The following ARFRP1 variants were observed in gnomAD, a reference collection of about 807,000 sequenced individuals.
ARFRP1 encodes the protein ADP-ribosylation factor-related protein 1.
Under a neutral mutation model 30.3 loss-of-function variants are expected in ARFRP1, and 19 were observed. The observed-to-expected ratio is 0.63, with a 90% confidence interval of 0.44 to 0.92. The LOEUF (loss-of-function observed/expected upper bound fraction) is 0.92. Ranked by LOEUF, ARFRP1 falls within the 40% of genes least tolerant of loss-of-function variation. ARFRP1 has a pLI of 0.00. For synonymous variants in ARFRP1, 133 were observed against 114.2 expected (o/e 1.16, Z -1.05); for missense variants, 245 against 267.5 (o/e 0.92, Z 0.59).
chr20:63,700,868 C>T (rs1601235998), intron 6 of ARFRP1, 166 bp from the exon 7 acceptor site: 4 of 934,408 alleles, frequency 4.3e-6, no homozygotes, highest in East Asian at 2.7e-5. Flanking sequence ...GGACCCTGTG[C>T]TCAGCCCGAG....
At position 63,700,136 on chromosome 20, in the gene ARFRP1, G is replaced by T; in HGVS notation, c.*307C>A. 1 of 415,222 alleles carries T rather than the reference G, an allele frequency of 2.4e-6. No homozygotes were observed. The highest frequency in any genetic ancestry group is 4.5e-6 in the Non-Finnish European group (1 of 219,844). The allele number at this position is 415,222 out of a possible 1,614,324, so 25.7% of individuals were successfully genotyped here. On this transcript the variant is annotated 3_prime_UTR_variant, in exon 8 of 8. Coordinates refer to ENST00000622789, the MANE Select transcript of ARFRP1 (RefSeq NM_001267547.3). ...AGCCCAAGCCAGCCTGAGCACTGGA[G>T]CCCCAATTCCCAACCAGGTCTCCCT...
intron 5 of ARFRP1, 98 bp from the exon 6 acceptor site, chr20:63,701,998 G>GCCCCACCCCCCCCCCCCCC: frequency 1.7e-6 from 1 of 583,916 alleles, no homozygotes; most frequent in Non-Finnish European, 2.6e-6. Context: ...CACTCCCTCT[G>GCCCCACCCCCCCCCCCCCC]CCCCCCCCCC....
chr20:63,706,214 C>A (rs149843399), intron 4 of ARFRP1, 143 bp downstream of exon 4: 265 of 779,146 alleles, frequency 3.4e-4, no homozygotes, highest in Non-Finnish European at 4.9e-4. Flanking sequence ...GGGAGCCACT[C>A]GGGAACCTGG....
rs2091099091 is a variant in ARFRP1 at position 63,699,721 on chromosome 20, CTG to C, written c.*720_*721del. 1 of 153,088 alleles carries C rather than the reference CTG, an allele frequency of 6.5e-6. No homozygotes were observed. The highest frequency in any genetic ancestry group is 1.5e-5 in the Non-Finnish European group (1 of 68,736). 9.5% of individuals were successfully genotyped at this position (153,088 alleles called of 1,614,324 possible). On this transcript the variant is annotated 3_prime_UTR_variant, in exon 8 of 8. Transcript: ENST00000622789. ...GTTCTCTCCTGGCTGGGGGAGGGCT[CTG>C]GACCCCCACAAACACTCCCCAACTT... is the stretch of plus-strand genomic sequence containing the variant.
At chr20:63,705,967 T>TC (rs1458158945) in intron 4 of ARFRP1, 16 of 340,180 alleles carry the variant, frequency 4.7e-5, no homozygotes, top group African/African-American at 1.5e-4. Context: ...TGAACCCAGA[T>TC]CCCCCCCGGC....
intron 5 of ARFRP1, 90 bp downstream of exon 5, chr20:63,702,046 C>T: frequency 1.6e-6 from 2 of 1,220,748 alleles, no homozygotes; most frequent in Non-Finnish European, 2.3e-6. Flanking sequence ...TCTGACCAGA[C>T]ACTGAGCCTG....
At chr20:63,700,738 G>C in intron 6 of ARFRP1, 36 bp from the exon 7 acceptor site, 1 of 1,600,272 alleles carries the variant, frequency 6.2e-7, no homozygotes, top group Non-Finnish European at 8.5e-7. Flanking sequence ...CAGCCCCCAC[G>C]TCTGGCCCTG....
In ARFRP1 at chr20:63,705,595, A is replaced by G. The variant is rs778023154; in HGVS notation, c.264+762T>C. 5.8e-6 allele frequency: 3 copies of G among 518,090 alleles called. No homozygotes were observed. The East Asian group carries it at 1.7e-4, about 29-fold the overall frequency. 32.1% of individuals were successfully genotyped at this position (518,090 alleles called of 1,614,324 possible). A position where few individuals can be genotyped will look rare whatever the true frequency, so the allele number is the denominator to read the frequency against. On this transcript the variant is annotated intron_variant, in intron 4 of 7. Coordinates refer to ENST00000622789, the MANE Select transcript of ARFRP1 (RefSeq NM_001267547.3). ...TGAGACCCTGAGGAGTCTTCTGGTG[A>G]TCATGGAAGAACAAATGTTAAGCTA...
In ARFRP1 at chr20:63,700,269, G is replaced by A. The variant is rs754119314; in HGVS notation, c.*174C>T. On this transcript the variant is annotated 3_prime_UTR_variant, in exon 8 of 8. Coordinates refer to ENST00000622789, the MANE Select transcript of ARFRP1 (RefSeq NM_001267547.3). ...TGCCAGACTCCCCTCCAAAGCCTCC[G>A]GATGCCTACGCTTTTCCAGACATAG... 2.2e-5 allele frequency: 22 copies of A among 991,236 alleles called. No homozygotes were observed. The highest frequency in any genetic ancestry group is 4.9e-5 in the South Asian group (3 of 61,678). 61.4% of individuals were successfully genotyped at this position (991,236 alleles called of 1,614,324 possible).
chr20:63,701,196 T>C (rs771608488), intron 6 of ARFRP1: 2 of 526,206 alleles, frequency 3.8e-6, no homozygotes, highest in South Asian at 1.4e-5. Flanking sequence ...GTACCAGATG[T>C]CCCTCTTGTC....
intron 4 of ARFRP1, chr20:63,706,084 T>G: frequency 1.4e-5 from 6 of 417,266 alleles, no homozygotes; most frequent in Non-Finnish European, 1.8e-5. Flanking sequence ...CGCCTTGGCA[T>G]TTAGTGATTC....
At chr20:63,705,001 C>G (rs1255970805) in intron 4 of ARFRP1, 1 of 152,772 alleles carries the variant, frequency 6.5e-6, no homozygotes, top group Non-Finnish European at 1.5e-5. Flanking sequence ...CTGCCTGAGT[C>G]GACCTCTCCT....
chr20:63,707,226 A>C, intron 1 of ARFRP1, 129 bp from the exon 2 acceptor site: 3 of 723,134 alleles, frequency 4.1e-6, no homozygotes, highest in South Asian at 1.8e-5. Context: ...GCCATTCCCG[A>C]CTCCTCGTCC....
intron 6 of ARFRP1, chr20:63,701,290 G>A (rs769530389): frequency 3.9e-6 from 2 of 514,484 alleles, no homozygotes; most frequent in Non-Finnish European, 7.9e-6. Context: ...AGATTCACCT[G>A]GCCCTCTGGA....
At chr20:63,700,570 C>A in intron 7 of ARFRP1, 32 bp downstream of exon 7, 1 of 1,610,446 alleles carries the variant, frequency 6.2e-7, no homozygotes, top group Non-Finnish European at 8.5e-7. Context: ...GTCTCGGTCC[C>A]CAAAGCCCCC....
rs368456471 is a variant in ARFRP1, at chr20:63,706,687, T to C, written c.145A>G (p.Ser49Gly). ...TRFNKNYKGM[S>G]LSKITTTVGL... Reference sequence around the variant, plus strand: ...ACGGTGGTGGTGATTTTGGATAGACTCATCCCCTTGTAGTTCTTGTTAAAT... The same window carrying C: ...ACGGTGGTGGTGATTTTGGATAGACCCATCCCCTTGTAGTTCTTGTTAAAT... Residue 49 changes from serine (S) to glycine (G), a missense_variant, in exon 3 of 8, where the codon AGT (serine) becomes GGT (glycine). Transcript: ENST00000622789. 1.9e-6 allele frequency: 3 copies of C among 1,613,908 alleles called. No individual in the cohort carries two copies. Among genetic ancestry groups the C allele is most frequent in the African/African-American group, 2.7e-5 (2 of 74,928 alleles).
At chr20:63,701,288 C>CG (rs386365749) in intron 6 of ARFRP1, 15 of 530,368 alleles carry the variant, frequency 2.8e-5, no homozygotes, top group Non-Finnish European at 5.8e-5. Context: ...GAAGATTCAC[C>CG]TGGCCCTCTG....
At chr20:63,702,672 T>A (rs2091270188) in intron 4 of ARFRP1, 2 of 197,886 alleles carry the variant, frequency 1.0e-5, no homozygotes, top group Non-Finnish European at 2.1e-5. Flanking sequence ...AGGTTGAGGC[T>A]GTAGTGAGCT....
In ARFRP1 at chr20:63,706,332, G is replaced by A. The variant is rs73319723; in HGVS notation, c.264+25C>T. 1.8e-3 allele frequency: 2,926 copies of A among 1,602,978 alleles called. 51 individuals carry two copies. In the African/African-American group the frequency reaches 0.033, roughly 18 times the overall value. On this transcript the variant is annotated intron_variant, in intron 4 of 7. Coordinates refer to ENST00000622789, the MANE Select transcript of ARFRP1 (RefSeq NM_001267547.3). ...AGTGGCACTGGAGGGCTGGGGTGGG[G>A]GTGGTCCTGGCCAGGGAGTCTTACC...
Sources: gnomAD v4.1 joint callset for allele counts on GRCh38, gnomAD v4.1.1 for gene constraint, MANE v1.5 for transcripts, NCBI Gene and HGNC (gene_info 2026-07-23, HGNC 2026-07-21) for gene names.